Variants in SLC43A3 observed in about 807,000 individuals in gnomAD.
SLC43A3 encodes the protein equilibrative nucleobase transporter 1.
In SLC43A3, 33 loss-of-function variants were observed where a neutral mutation model predicts 53.3. The ratio of observed to expected loss-of-function variants is 0.62; its 90% CI spans 0.47 to 0.83. SLC43A3 has a LOEUF of 0.83. SLC43A3 is among the 40% of genes least tolerant of loss of function. The pLI is 0.00. For synonymous variants in SLC43A3, 236 were observed against 246.2 expected, an observed-to-expected ratio of 0.96 and a Z score of 0.39; for missense variants, 530 against 610.0, an observed-to-expected ratio of 0.87 and a Z score of 1.38.
chr11:57,426,199 T>A lies in SLC43A3; in HGVS notation c.-27A>T, dbSNP rs1209472871. On this transcript the variant is annotated 5_prime_UTR_variant, in exon 3 of 14. Transcript: ENST00000395124. Reference sequence around the variant, plus strand: ...AGCAGAAGTGGAGTGGATCTTCAAATCCCACTTTGTCCTCCTGGACGGATC... The same window carrying A: ...AGCAGAAGTGGAGTGGATCTTCAAAACCCACTTTGTCCTCCTGGACGGATC... The A allele has an allele frequency of 6.2e-7, 1 of 1,609,448 alleles. No homozygotes were observed. Among genetic ancestry groups the A allele is most frequent in the Non-Finnish European group, 8.5e-7 (1 of 1,176,746 alleles).
At chr11:57,415,179 T>G in intron 9 of SLC43A3, 73 bp from the exon 10 acceptor site, 2 of 1,581,220 alleles carry the variant, frequency 1.3e-6, no homozygotes, top group Non-Finnish European at 1.7e-6. Flanking sequence ...TGTGGAGGCT[T>G]CAATGGAACA....
chr11:57,416,485 C>T (rs958752828), intron 9 of SLC43A3, 88 bp downstream of exon 9: 1 of 998,614 alleles, frequency 1.0e-6, no homozygotes, highest in Admixed American at 1.9e-5. Flanking sequence ...TTCTGGGTCC[C>T]TGGGGGAGCT....
intron 4 of SLC43A3, among the ~76,000 whole-genome samples, chr11:57,424,765 C>T (rs1270479212): frequency 6.6e-6 from 1 of 152,220 alleles, no homozygotes; most frequent in Admixed American, 6.5e-5. Context: ...ACTGGCTTTA[C>T]TCTGGCTGTT....
At chr11:57,422,737 C>T (rs562567098) in intron 5 of SLC43A3, among the ~76,000 whole-genome samples, 6 of 152,218 alleles carry the variant, frequency 3.9e-5, no homozygotes, top group South Asian at 2.1e-4. Context: ...TTTGCAGGCA[C>T]GAGTCAAACA....
rs1204022620 is a variant in SLC43A3, at chr11:57,406,990, T to C, written c.*802A>G. ...ACAGAAGCTTTATTTTTCTATAAAA[T>C]TATTCCCGAGAGAAATTTTCTTTTA... On this transcript the variant is annotated 3_prime_UTR_variant, in exon 14 of 14. Coordinates refer to ENST00000395124, the MANE Select transcript of SLC43A3 (RefSeq NM_199329.3). 1 of 152,162 alleles carries C rather than the reference T, an allele frequency of 6.6e-6. No homozygotes were observed. Among genetic ancestry groups the C allele is most frequent in the Non-Finnish European group, 1.5e-5 (1 of 68,054 alleles). The allele number at this position is 152,162 out of a possible 1,614,324, so 9.4% of individuals were successfully genotyped here. A position where few individuals can be genotyped will look rare whatever the true frequency, so the allele number is the denominator to read the frequency against.
intron 3 of SLC43A3, 98 bp downstream of exon 3, chr11:57,425,891 T>G: frequency 7.2e-7 from 1 of 1,388,126 alleles, no homozygotes; most frequent in Non-Finnish European, 1.0e-6. Context: ...CCTCTCATCA[T>G]AGAAAGAGGG....
At chr11:57,420,420 T>C (rs1942932148) in intron 7 of SLC43A3, among the ~76,000 whole-genome samples, 1 of 152,222 alleles carries the variant, frequency 6.6e-6, no homozygotes, top group African/African-American at 2.4e-5. Flanking sequence ...ATTCATCCCC[T>C]GGGCTAAGCG....
intron 7 of SLC43A3, 49 bp downstream of exon 7, chr11:57,420,923 G>A (rs1467155097): frequency 5.6e-6 from 7 of 1,243,136 alleles, no homozygotes; most frequent in Non-Finnish European, 5.9e-6. Context: ...CAAGACAAGT[G>A]TCTGGCATAT....
chr11:57,426,426 G>A (rs558487655), intron 2 of SLC43A3, 74 bp from the exon 3 acceptor site: 2 of 524,006 alleles, frequency 3.8e-6, no homozygotes, highest in African/African-American at 1.9e-5. Flanking sequence ...AGTTATTTGT[G>A]AGGTGCATTA....
chr11:57,418,566 C>A, intron 7 of SLC43A3, among the ~76,000 whole-genome samples: 1 of 152,034 alleles, frequency 6.6e-6, no homozygotes, highest in Non-Finnish European at 1.5e-5. Flanking sequence ...CGTGATGGTG[C>A]ACGCCTGTAA....
intron 9 of SLC43A3, among the ~76,000 whole-genome samples, chr11:57,416,210 C>G (rs1271735662): frequency 1.3e-5 from 2 of 152,076 alleles, no homozygotes; most frequent in African/African-American, 4.8e-5. Flanking sequence ...AGAGTTGGGA[C>G]AATAAGAGAG....
chr11:57,415,316 C>G, intron 9 of SLC43A3: 1 of 1,520,300 alleles, frequency 6.6e-7, no homozygotes, highest in South Asian at 1.2e-5. Flanking sequence ...CTTGGATGAC[C>G]CTCTGTGTTC....
chr11:57,413,307 TC>T (rs1258982517), intron 11 of SLC43A3, among the ~76,000 whole-genome samples: 1 of 152,098 alleles, frequency 6.6e-6, no homozygotes, highest in Non-Finnish European at 1.5e-5. Context: ...CAGGCATGGA[TC>T]CTAATTGGAA....
At chr11:57,417,714 G>A (rs923619595) in intron 8 of SLC43A3, 34 bp downstream of exon 8, 5 of 1,612,118 alleles carry the variant, frequency 3.1e-6, no homozygotes, top group African/African-American at 2.7e-5. Flanking sequence ...GGCCAATGAG[G>A]GGCTCTGGCC....
chr11:57,409,426 A>ACCTGTCTGGCCTTTC, intron 12 of SLC43A3, 128 bp from the exon 13 acceptor site: 1 of 1,041,690 alleles, frequency 9.6e-7, no homozygotes, highest in Non-Finnish European at 1.4e-6. Context: ...CTCCAACCAC[A>ACCTGTCTGGCCTTTC]CCTGTCTGGC....
chr11:57,421,172 C>T (rs996993375), intron 6 of SLC43A3, 108 bp from the exon 7 acceptor site: 14 of 1,198,226 alleles, frequency 1.2e-5, no homozygotes, highest in Middle Eastern at 1.9e-4. Flanking sequence ...CACCCTCCAC[C>T]GCTAGAGCTC....
chr11:57,413,013 A>G (rs1302692723), intron 11 of SLC43A3, among the ~76,000 whole-genome samples: 2 of 151,366 alleles, frequency 1.3e-5, no homozygotes, highest in Admixed American at 1.3e-4. Context: ...GGGGCTGCTG[A>G]CAGGAGAACA....
At chr11:57,416,545 G>A in intron 9 of SLC43A3, 28 bp downstream of exon 9, 5 of 1,579,016 alleles carry the variant, frequency 3.2e-6, no homozygotes, top group South Asian at 1.1e-5. Flanking sequence ...GGGTCTGGAG[G>A]AGAGATGGGT....
At chr11:57,423,924 C>A (rs1943094617) in intron 5 of SLC43A3, 58 bp downstream of exon 5, 7 of 1,522,980 alleles carry the variant, frequency 4.6e-6, no homozygotes, top group Non-Finnish European at 6.4e-6. Context: ...CTCACACCTG[C>A]CCCAGCCACC....
Sources: gnomAD v4.1 joint callset for allele counts (sites outside exome capture counted in the v4.1 genomes callset) on GRCh38, gnomAD v4.1.1 for gene constraint, MANE v1.5 for transcripts, NCBI Gene and HGNC (gene_info 2026-07-23, HGNC 2026-07-21) for gene names.